Variants in LNPEP observed in about 807,000 individuals in gnomAD.
LNPEP encodes leucyl and cystinyl aminopeptidase, also known as leucyl-cystinyl aminopeptidase.
Under a neutral mutation model 120.6 loss-of-function variants are expected in LNPEP, and 64 were observed. That is an observed-to-expected ratio of 0.53 (90% CI 0.43 to 0.65). The LOEUF (loss-of-function observed/expected upper bound fraction) is 0.65. Ranked by LOEUF, LNPEP falls within the 30% of genes least tolerant of loss-of-function variation. The pLI is 0.00. For missense variants in LNPEP, 1,057 were observed against 1,200.0 expected (o/e 0.88, Z 1.76); for synonymous variants, 435 against 425.4 (o/e 1.02, Z -0.28).
intron 1 of LNPEP, among the ~76,000 whole-genome samples, chr5:96,974,673 T>C (rs765184810): frequency 6.6e-5 from 10 of 152,162 alleles, no homozygotes; most frequent in Admixed American, 2.6e-4. Context: ...TTTCTTTTGT[T>C]AACTTTCCAT....
At chr5:97,008,776 T>C (rs1163352022) in intron 11 of LNPEP, among the ~76,000 whole-genome samples, 1 of 150,852 alleles carries the variant, frequency 6.6e-6, no homozygotes, top group Admixed American at 6.6e-5. Flanking sequence ...GTCATTCTCC[T>C]GCCTCAGCCT....
chr5:97,022,493 T>A lies in LNPEP; in HGVS notation c.2561+9T>A. 1 of 1,599,146 alleles carries A rather than the reference T, an allele frequency of 6.3e-7. No homozygotes were observed. The highest frequency in any genetic ancestry group is 1.1e-5 in the South Asian group (1 of 90,700). On this transcript the variant is annotated intron_variant, in intron 14 of 17. Transcript: ENST00000231368. ...TCCAATGGAACTCAAAGGTGAAGTA[T>A]ACCTCTACTCAGATGAATTATCTTC...
chr5:96,985,067 G>A lies in LNPEP; in HGVS notation c.861-13G>A. 1 of 1,613,510 alleles carries A rather than the reference G, an allele frequency of 6.2e-7. No homozygotes were observed. The highest frequency in any genetic ancestry group is 8.5e-7 in the Non-Finnish European group (1 of 1,179,608). On this transcript the variant is annotated splice_polypyrimidine_tract_variant and intron_variant, in intron 2 of 17. Coordinates refer to ENST00000231368, the MANE Select transcript of LNPEP (RefSeq NM_005575.3). The stretch of plus-strand genomic sequence containing the variant: ...GCTCAGTAACTACTGGATTGAATTT[G>A]TGTTTGTTTTAGGTACTTTGCAGCA...
intron 1 of LNPEP, among the ~76,000 whole-genome samples, chr5:96,954,415 C>T (rs1162504523): frequency 6.6e-6 from 1 of 151,938 alleles, no homozygotes; most frequent in Non-Finnish European, 1.5e-5. Flanking sequence ...TACTTTTATA[C>T]AGAAGACCTT....
chr5:96,936,102 C>T lies in LNPEP; in HGVS notation c.-54C>T, dbSNP rs1244799672. On this transcript the variant is annotated 5_prime_UTR_variant, in exon 1 of 18. Transcript: ENST00000231368. ...CTCAGTCAGCTGGGCCGCCTCAGCT[C>T]TCGGAGTAGGAAGCTCGGGCGCTCC... 1.3e-5 allele frequency: 19 copies of T among 1,514,662 alleles called. No individual in the cohort carries two copies. Among genetic ancestry groups the T allele is most frequent in the East Asian group, 2.8e-5 (1 of 36,234 alleles). 93.8% of individuals were successfully genotyped at this position (1,514,662 alleles called of 1,614,324 possible).
At chr5:96,984,532 T>C (rs1582004010) in intron 2 of LNPEP, among the ~76,000 whole-genome samples, 1 of 152,316 alleles carries the variant, frequency 6.6e-6, no homozygotes, top group Non-Finnish European at 1.5e-5. Context: ...ATAAAACTTA[T>C]TTAATCCTAA....
chr5:96,994,744 C>A lies in LNPEP; in HGVS notation c.1407+773C>A, dbSNP rs189308021. 7.0e-4 allele frequency among the ~76,000 whole-genome samples: 107 copies of A among 152,242 alleles called. 1 individual carries two copies. The highest frequency in any genetic ancestry group is 2.5e-3 in the African/African-American group (103 of 41,540). Reference sequence around the variant, plus strand: ...GTCAGCTTATTTTCTACATCAAACACCTTATATGAATCTAGCCTTTGTGAA... The same window carrying A: ...GTCAGCTTATTTTCTACATCAAACAACTTATATGAATCTAGCCTTTGTGAA... On this transcript the variant is annotated intron_variant, in intron 6 of 17. Transcript: ENST00000231368.
At chr5:96,942,347 A>AATTG (rs1789074598) in intron 1 of LNPEP, 2 of 152,272 alleles carry the variant, frequency 1.3e-5, no homozygotes, top group Middle Eastern at 3.4e-3. Context: ...CAGAGGTGGC[A>AATTG]ATTCACTGAA....
chr5:96,939,817 G>T (rs1381730310), intron 1 of LNPEP, among the ~76,000 whole-genome samples: 1 of 151,766 alleles, frequency 6.6e-6, no homozygotes, highest in African/African-American at 2.4e-5. Context: ...ATAAAATTGT[G>T]ATTCCATCTT....
rs141051094 is a variant in LNPEP at position 96,997,648 on chromosome 5, C to T, written c.1522-366C>T. On this transcript the variant is annotated intron_variant, in intron 7 of 17. Coordinates refer to ENST00000231368, the MANE Select transcript of LNPEP (RefSeq NM_005575.3). The stretch of plus-strand genomic sequence containing the variant: ...GCGTAAGGACCAGTTTTTGTTCTTT[C>T]TCTTTTTAAATTTCAAGTTTCATTT... Among the ~76,000 whole-genome samples, 386 of 152,052 alleles carry T rather than the reference C, an allele frequency of 2.5e-3. 6 individuals carry two copies. Among genetic ancestry groups the T allele is most frequent in the Admixed American group, 0.022 (334 of 15,262 alleles).
chr5:96,992,605 T>A (rs184471619), intron 4 of LNPEP, among the ~76,000 whole-genome samples: 2 of 152,260 alleles, frequency 1.3e-5, no homozygotes, highest in Admixed American at 1.3e-4. Context: ...GATGAAAATT[T>A]AGTTTTGTCT....
Position 96,968,934 on chromosome 5 carries a change from T to C in LNPEP, c.20-10204T>C, listed in dbSNP as rs1789793851. 2.0e-5 allele frequency among the ~76,000 whole-genome samples: 3 copies of C among 152,080 alleles called. No individual in the cohort carries two copies. In the South Asian group the frequency reaches 6.2e-4, roughly 31 times the overall value. On this transcript the variant is annotated intron_variant, in intron 1 of 17. Coordinates refer to ENST00000231368, the MANE Select transcript of LNPEP (RefSeq NM_005575.3). ...GGCTGAGAGCTGAGGACCAATTTAG[T>C]TTGTTTATATACAGGGCCACTGGGT... is the stretch of plus-strand genomic sequence containing the variant.
chr5:97,000,108 A>C (rs1790610530), intron 8 of LNPEP, among the ~76,000 whole-genome samples: 1 of 152,202 alleles, frequency 6.6e-6, no homozygotes, highest in Non-Finnish European at 1.5e-5. Flanking sequence ...CTGACTGTAT[A>C]CAAATGAATG....
chr5:96,984,917 C>G (rs958209520), intron 2 of LNPEP, among the ~76,000 whole-genome samples, 163 bp from the exon 3 acceptor site: 2 of 152,158 alleles, frequency 1.3e-5, no homozygotes, highest in Non-Finnish European at 2.9e-5. Context: ...TGACTTACAG[C>G]CTGATGTAAG....
chr5:96,973,212 A>T (rs963481575), intron 1 of LNPEP, among the ~76,000 whole-genome samples: 1 of 151,954 alleles, frequency 6.6e-6, no homozygotes, highest in Non-Finnish European at 1.5e-5. Context: ...ACAGGAAGAG[A>T]TTTTCTTTGA....
chr5:96,993,914 T>G lies in LNPEP; in HGVS notation c.1350T>G (p.Ser450=). The G allele has an allele frequency of 1.2e-6, 2 of 1,613,938 alleles. No individual in the cohort carries two copies. Among genetic ancestry groups the G allele is most frequent in the Non-Finnish European group, 1.7e-6 (2 of 1,179,864 alleles). ...EETLLYDSNT[S]SMADRKLVTK... ...CACTTCTGTATGACAGTAACACTTC[T>G]TCAATGGCGGATAGAAAGCTGGTGA... Residue 450 remains serine, a synonymous_variant, in exon 6 of 18, where the codon TCT becomes TCG. Coordinates refer to ENST00000231368, the MANE Select transcript of LNPEP (RefSeq NM_005575.3).
At position 96,954,521 on chromosome 5, in the gene LNPEP, T is replaced by G. The variant is rs186125170; in HGVS notation, c.19+18347T>G. The stretch of plus-strand genomic sequence containing the variant: ...CAATAATTGTTCAAATGAATAAGCT[T>G]CTCAGATTTGGCCTTTGTATAATTA... On this transcript the variant is annotated intron_variant, in intron 1 of 17. Coordinates refer to ENST00000231368, the MANE Select transcript of LNPEP (RefSeq NM_005575.3). Among the ~76,000 whole-genome samples the G allele has an allele frequency of 1.4e-3, 214 of 151,308 alleles. 1 individual carries two copies. The highest frequency in any genetic ancestry group is 4.1e-4 in the Non-Finnish European group (28 of 67,868).
chr5:96,936,093 G>C lies in LNPEP; in HGVS notation c.-63G>C. ...CTGGGCATGCTCAGTCAGCTGGGCC[G>C]CCTCAGCTCTCGGAGTAGGAAGCTC... On this transcript the variant is annotated 5_prime_UTR_variant, in exon 1 of 18. Transcript: ENST00000231368. 6.6e-7 allele frequency: 1 copy of C among 1,509,016 alleles called. No homozygotes were observed. Among genetic ancestry groups the C allele is most frequent in the Non-Finnish European group, 8.9e-7 (1 of 1,127,010 alleles). The allele number at this position is 1,509,016 out of a possible 1,614,324, so 93.5% of individuals were successfully genotyped here.
At position 97,036,389 on chromosome 5, in the gene LNPEP, G is replaced by A. The variant is rs1791573549; in HGVS notation, c.*7856G>A. The stretch of plus-strand genomic sequence containing the variant: ...GTCTTTAGTGCCTATACTGTTAGGT[G>A]TTTTCTTCACTGGCATTCACAAATT... On this transcript the variant is annotated 3_prime_UTR_variant, in exon 18 of 18. Transcript: ENST00000231368. 2 of 152,140 alleles carry A rather than the reference G, an allele frequency of 1.3e-5. No individual in the cohort carries two copies. Among genetic ancestry groups the A allele is most frequent in the Admixed American group, 6.6e-5 (1 of 15,236 alleles). The allele number at this position is 152,140 out of a possible 1,614,324, so 9.4% of individuals were successfully genotyped here. A position where few individuals can be genotyped will look rare whatever the true frequency, so the allele number is the denominator to read the frequency against.
Sources: allele counts gnomAD v4.1 joint callset (sites outside exome capture counted in the v4.1 genomes callset), GRCh38; gene constraint gnomAD v4.1.1; transcripts MANE v1.5; gene names NCBI Gene and HGNC (gene_info 2026-07-23, HGNC 2026-07-21).